The following KRT72 variants were observed in gnomAD, a reference collection of about 807,000 sequenced individuals.
KRT72 encodes keratin 72.
Under a neutral mutation model 44.7 loss-of-function variants are expected in KRT72, and 44 were observed. That is an observed-to-expected ratio of 0.98 (90% CI 0.77 to 1.27). KRT72 has a LOEUF of 1.27. Among genes scored for constraint, KRT72 ranks in the 50% most tolerant of loss-of-function variants. The probability of loss-of-function intolerance (pLI) is 0.00; values close to 1 mark genes in which losing one functional copy is unlikely to be tolerated. For synonymous variants in KRT72, 302 were observed against 280.4 expected (o/e 1.08, Z -0.77); for missense variants, 736 against 667.1 (o/e 1.10, Z -1.14).
chr12:52,593,056 G>A (rs1940109217), intron 2 of KRT72, 104 bp from the exon 3 acceptor site: 1 of 990,142 alleles, frequency 1.0e-6, no homozygotes, highest in African/African-American at 1.7e-5. Flanking sequence ...TCTTCAAACT[G>A]GGATTCCCAT....
chr12:52,594,082 A>G (rs1940151893), intron 2 of KRT72, among the ~76,000 whole-genome samples: 1 of 152,220 alleles, frequency 6.6e-6, no homozygotes, highest in South Asian at 2.1e-4. Context: ...AAAAGAATTA[A>G]GGCTAGATAG....
chr12:52,586,976 A>C lies in KRT72; in HGVS notation c.1315T>G (p.Ser439Ala). The C allele has an allele frequency of 6.2e-7, 1 of 1,614,040 alleles. No individual in the cohort carries two copies. The highest frequency in any genetic ancestry group is 8.5e-7 in the Non-Finnish European group (1 of 1,179,892). The change falls in exon 8 of 9, where the codon TCT (serine) becomes GCT (alanine). Residue 439 changes from serine (S) to alanine (A), a missense_variant. Coordinates refer to ENST00000293745, the MANE Select transcript of KRT72 (RefSeq NM_080747.3). ...CTCACAGAATTTGGATATTCGCCAGACATCCTGAAGAAGGAGAAGAAAAAC... is the reference window on the plus strand; with the variant it reads ...CTCACAGAATTTGGATATTCGCCAGCCATCCTGAAGAAGGAGAAGAAAAAC... Reference protein sequence around the residue: ...KLLESEECRMSGEYPNSVSIS... With the variant: ...KLLESEECRMAGEYPNSVSIS...
rs1238723170 is a variant in KRT72 at position 52,591,510 on chromosome 12, A to G, written c.917T>C (p.Ile306Thr). ...IAEVRAQYEE[I>T]ALKSKAEAET... ...AGCCTCGGCCTTGCTCTTTAGGGCAATCTCCTCGTACTGGGCACGGACCTC... is the reference window on the plus strand; with the variant it reads ...AGCCTCGGCCTTGCTCTTTAGGGCAGTCTCCTCGTACTGGGCACGGACCTC... Residue 306 changes from isoleucine (I) to threonine (T), a missense_variant, in exon 5 of 9, where the codon ATT (isoleucine) becomes ACT (threonine). By Grantham distance (89) the Ile-to-Thr change is moderately conservative. Transcript: ENST00000293745. The G allele has an allele frequency of 6.2e-7, 1 of 1,614,026 alleles. No homozygotes were observed. Among genetic ancestry groups the G allele is most frequent in the Non-Finnish European group, 8.5e-7 (1 of 1,179,930 alleles).
chr12:52,587,024 C>T, intron 7 of KRT72, 44 bp from the exon 8 acceptor site: 1 of 1,579,334 alleles, frequency 6.3e-7, no homozygotes, highest in Non-Finnish European at 8.7e-7. Flanking sequence ...CATAAATAAT[C>T]ACCCCAACCA....
chr12:52,594,550 T>C (rs746352508), intron 2 of KRT72, among the ~76,000 whole-genome samples: 7 of 150,556 alleles, frequency 4.6e-5, no homozygotes, highest in African/African-American at 7.4e-5. Flanking sequence ...CAGGTAGGAA[T>C]TGAACAATGA....
At chr12:52,591,302 G>T (rs1940007773) in intron 5 of KRT72, among the ~76,000 whole-genome samples, 162 bp downstream of exon 5, 1 of 152,060 alleles carries the variant, frequency 6.6e-6, no homozygotes. Context: ...TTACCCCTGG[G>T]GTGGCATTTC....
chr12:52,586,560 A>C (rs1216810951), intron 8 of KRT72, among the ~76,000 whole-genome samples: 1 of 152,212 alleles, frequency 6.6e-6, no homozygotes, highest in Non-Finnish European at 1.5e-5. Flanking sequence ...ACAGCTGAGG[A>C]CATGCTCTCA....
At chr12:52,600,896 T>G in intron 1 of KRT72, 131 bp downstream of exon 1, 1 of 955,086 alleles carries the variant, frequency 1.0e-6, no homozygotes, top group Admixed American at 2.6e-5. Flanking sequence ...TGTGCCCATT[T>G]TACAAATGGA....
At position 52,586,038 on chromosome 12, in the gene KRT72, C is replaced by A. The variant is rs143816763; in HGVS notation, c.1480G>T (p.Asp494Tyr). The change falls in exon 9 of 9, where the codon GAT becomes TAT. Residue 494 changes from aspartate (D) to tyrosine (Y), a missense_variant. Asp to Tyr is a radical substitution (Grantham distance 160). Transcript: ENST00000293745. ...CTCCCCGAGGTTTTGGCAAGGGGAT[C>A]CTTGAGCTCACTGCCACAGCTGCCT... ...TKGSCGSELKDPLAKTSGSSC... is the reference protein window; with the variant it reads ...TKGSCGSELKYPLAKTSGSSC... The A allele has an allele frequency of 5.0e-6, 8 of 1,614,016 alleles. No homozygotes were observed. The African/African-American group carries it at 1.1e-4, about 22-fold the overall frequency.
At chr12:52,591,392 G>A (rs970457863) in intron 5 of KRT72, 72 bp downstream of exon 5, 110 of 1,461,680 alleles carry the variant, frequency 7.5e-5, no homozygotes, top group Middle Eastern at 4.3e-4. Flanking sequence ...GCACACACAC[G>A]TACACATGCA....
chr12:52,591,314 G>A (rs538335907), intron 5 of KRT72, 150 bp downstream of exon 5: 373 of 819,936 alleles, frequency 4.5e-4, no homozygotes, highest in Non-Finnish European at 6.1e-4. Context: ...TGGCATTTCC[G>A]CAAGGCCCAA....
At chr12:52,587,306 C>A (rs1565613964) in intron 7 of KRT72, among the ~76,000 whole-genome samples, 1 of 152,196 alleles carries the variant, frequency 6.6e-6, no homozygotes, top group Non-Finnish European at 1.5e-5. Flanking sequence ...GAGCCCCAGG[C>A]TTTGCTGGAG....
At chr12:52,592,278 G>A (rs577730635) in intron 4 of KRT72, 118 bp downstream of exon 4, 2 of 718,186 alleles carry the variant, frequency 2.8e-6, no homozygotes, top group East Asian at 5.3e-5. Flanking sequence ...AATGTCAGGG[G>A]CACCAGGTTG....
At chr12:52,587,973 C>A in intron 6 of KRT72, 122 bp from the exon 7 acceptor site, 1 of 955,816 alleles carries the variant, frequency 1.0e-6, no homozygotes, top group Non-Finnish European at 1.6e-6. Flanking sequence ...CTGGTTTATC[C>A]AACTTTGGCC....
intron 2 of KRT72, among the ~76,000 whole-genome samples, chr12:52,596,370 T>C (rs1409078670): frequency 6.6e-6 from 1 of 152,150 alleles, no homozygotes; most frequent in Non-Finnish European, 1.5e-5. Context: ...ACTAAGCCAC[T>C]TAGAAAAAAA....
Position 52,586,159 on chromosome 12 carries a change from G to A in KRT72, c.1359C>T (p.Ser453=), listed in dbSNP as rs200611701. ...CAGCCCCTCCTGCCCCAGCATTGGTGCTGCTGATGACGGCTGGAATGGATG... is the reference window on the plus strand; with the variant it reads ...CAGCCCCTCCTGCCCCAGCATTGGTACTGCTGATGACGGCTGGAATGGATG... ...PNSVSISVIS[S]TNAGAGGAGF... The change falls in exon 9 of 9, where the codon AGC becomes AGT. Residue 453 remains serine, a synonymous_variant. Transcript: ENST00000293745. The A allele has an allele frequency of 1.1e-4, 173 of 1,613,758 alleles. 1 individual carries two copies. In the East Asian group the frequency reaches 2.6e-3, roughly 24 times the overall value.
At position 52,598,910 on chromosome 12, in the gene KRT72, T is replaced by C. The variant is rs372551970; in HGVS notation, c.629A>G (p.Asp210Gly). Residue 210 changes from aspartate to glycine, a missense_variant, in exon 2 of 9, where the codon GAC (aspartate) becomes GGC (glycine). Coordinates refer to ENST00000293745, the MANE Select transcript of KRT72 (RefSeq NM_080747.3). ...ELRNMQDLVEDYKKRYEVEIN... is the reference protein window; with the variant it reads ...ELRNMQDLVEGYKKRYEVEIN... Reference sequence around the variant, plus strand: ...GCCACTCACTCACCTCTTCTTGTAGTCCTCCACCAAATCCTGCATGTTCCT... The same window carrying C: ...GCCACTCACTCACCTCTTCTTGTAGCCCTCCACCAAATCCTGCATGTTCCT... The C allele has an allele frequency of 1.4e-4, 219 of 1,614,106 alleles. 2 individuals carry two copies. The highest frequency in any genetic ancestry group is 8.3e-4 in the Middle Eastern group (5 of 6,060).
chr12:52,590,518 C>T (rs1389688300), intron 6 of KRT72, among the ~76,000 whole-genome samples: 3 of 152,226 alleles, frequency 2.0e-5, no homozygotes, highest in Admixed American at 6.5e-5. Context: ...CACCTGCACA[C>T]GTGCTGTGCA....
At chr12:52,588,239 T>G (rs1939857321) in intron 6 of KRT72, among the ~76,000 whole-genome samples, 1 of 152,220 alleles carries the variant, frequency 6.6e-6, no homozygotes, top group Non-Finnish European at 1.5e-5. Context: ...ACAGGTTGTT[T>G]TAGGAGATCC....
Sources: gnomAD v4.1 joint callset for allele counts (sites outside exome capture counted in the v4.1 genomes callset) on GRCh38, gnomAD v4.1.1 for gene constraint, MANE v1.5 for transcripts, NCBI Gene and HGNC (gene_info 2026-07-23, HGNC 2026-07-21) for gene names.